ALMS1: variants seen among roughly 807,000 people sequenced by gnomAD.
The protein encoded by ALMS1 is centrosome-associated protein ALMS1.
A neutral mutation model predicts 352.2 loss-of-function variants in ALMS1; 271 were observed. The ratio of observed to expected loss-of-function variants is 0.77; its 90% confidence interval spans 0.70 to 0.85. The LOEUF (loss-of-function observed/expected upper bound fraction) is 0.85, where lower values mean the gene tolerates loss of function less well. Ranked by LOEUF, ALMS1 falls within the 40% of genes least tolerant of loss-of-function variation. The probability of loss-of-function intolerance (pLI) is 0.00; values close to 1 mark genes in which losing one functional copy is unlikely to be tolerated. For missense variants in ALMS1, 5,445 were observed against 4,870.7 expected (o/e 1.12, Z -3.51); for synonymous variants, 1,865 against 1,761.2 (o/e 1.06, Z -1.48).
intron 5 of ALMS1, among the ~76,000 whole-genome samples, chr2:73,425,285 ATC>A (rs1671358154): frequency 6.6e-6 from 1 of 152,238 alleles, no homozygotes; most frequent in African/African-American, 2.4e-5. Context: ...AGAAAGAATC[ATC>A]TCAATGTTTT....
At chr2:73,589,686 C>T (rs1675384515) in intron 16 of ALMS1, among the ~76,000 whole-genome samples, 1 of 152,182 alleles carries the variant, frequency 6.6e-6, no homozygotes, top group Non-Finnish European at 1.5e-5. Flanking sequence ...ATCTACATTG[C>T]TGTAAGTATA....
At chr2:73,510,787 G>GT (rs1673434924) in intron 10 of ALMS1, among the ~76,000 whole-genome samples, 1 of 152,320 alleles carries the variant, frequency 6.6e-6, no homozygotes, top group South Asian at 2.1e-4. Flanking sequence ...AGGCAGGAAC[G>GT]TTTAAGTCTG....
intron 16 of ALMS1, among the ~76,000 whole-genome samples, chr2:73,592,635 ATCC>A (rs1210735690): frequency 6.6e-6 from 1 of 152,202 alleles, no homozygotes; most frequent in African/African-American, 2.4e-5. Flanking sequence ...AGCAGTACCA[ATCC>A]TCCTGCCTGA....
intron 13 of ALMS1, among the ~76,000 whole-genome samples, chr2:73,552,480 T>C (rs547837521): frequency 6.6e-6 from 1 of 151,842 alleles, no homozygotes; most frequent in Non-Finnish European, 1.5e-5. Flanking sequence ...GTGGAAAAAT[T>C]GGCAGGAAAG....
chr2:73,502,571 G>C (rs1673239664), intron 10 of ALMS1, among the ~76,000 whole-genome samples: 1 of 152,046 alleles, frequency 6.6e-6, no homozygotes, highest in South Asian at 2.1e-4. Flanking sequence ...CCTTTTATCA[G>C]CTTGAGGATG....
At chr2:73,399,908 C>T (rs1464859911) in intron 1 of ALMS1, among the ~76,000 whole-genome samples, 3 of 147,078 alleles carry the variant, frequency 2.0e-5, no homozygotes, top group African/African-American at 7.6e-5. Context: ...TCTTCTAAAG[C>T]TTGTCAACAT....
chr2:73,418,349 G>T (rs572432486), intron 2 of ALMS1, among the ~76,000 whole-genome samples: 3 of 152,178 alleles, frequency 2.0e-5, no homozygotes, highest in Admixed American at 1.3e-4. Context: ...GCCAGGGATC[G>T]TTTAGAAACT....
intron 11 of ALMS1, among the ~76,000 whole-genome samples, chr2:73,532,497 C>T (rs1290192302): frequency 1.3e-5 from 2 of 152,188 alleles, no homozygotes; most frequent in Non-Finnish European, 2.9e-5. Flanking sequence ...GAGTCACTCC[C>T]CATGGCCACC....
chr2:73,432,280 A>G lies in ALMS1; in HGVS notation c.1421A>G (p.His474Arg). Residue 474 changes from histidine (H) to arginine (R), a missense_variant, in exon 7 of 23, where the codon CAT (histidine) becomes CGT (arginine). By Grantham distance (29) the His-to-Arg change is conservative. Transcript: ENST00000613296. The part of the protein sequence containing the change: ...SPDTVPKAPK[H>R]LKAGDTSKGG... Reference sequence around the variant, plus strand: ...GACACTGTGCCAAAGGCTCCTAAACATTTAAAAGCAGGTACGTAGAAAAAG... The same window carrying G: ...GACACTGTGCCAAAGGCTCCTAAACGTTTAAAAGCAGGTACGTAGAAAAAG... 6.2e-7 allele frequency: 1 copy of G among 1,610,236 alleles called. No homozygotes were observed. Among genetic ancestry groups the G allele is most frequent in the African/African-American group, 1.3e-5 (1 of 74,966 alleles).
chr2:73,600,554 C>G (rs1189920926), intron 17 of ALMS1, 124 bp from the exon 18 acceptor site: 1 of 870,772 alleles, frequency 1.1e-6, no homozygotes, highest in Non-Finnish European at 1.7e-6. Flanking sequence ...CTTCGCATCC[C>G]TCCATCCCAC....
rs748646844 is a variant in ALMS1 at position 73,449,644 on chromosome 2, G to A, written c.3117G>A (p.Lys1039=). The A allele has an allele frequency of 6.2e-7, 1 of 1,614,080 alleles. No homozygotes were observed. Among genetic ancestry groups the A allele is most frequent in the South Asian group, 1.1e-5 (1 of 91,078 alleles). The change falls in exon 8 of 23, where the codon AAG becomes AAA. Residue 1039 remains lysine (K), a synonymous_variant. Transcript: ENST00000613296. The stretch of plus-strand genomic sequence containing the variant: ...CTGGCCCTGGACCAGCTGACCAGAA[G>A]ACTGAGATACCAGCAGTACAGTCTA... The part of the protein sequence containing the change: ...VSTGPGPADQ[K]TEIPAVQSSS...
At position 73,464,309 on chromosome 2, in the gene ALMS1, G is replaced by A. The variant is rs550506281; in HGVS notation, c.7674+9014G>A. Reference sequence around the variant, plus strand: ...GTTCAACATATGCAAATCAATAAACGTAATCCAGCATATACACAGAACCAA... The same window carrying A: ...GTTCAACATATGCAAATCAATAAACATAATCCAGCATATACACAGAACCAA... On this transcript the variant is annotated intron_variant, in intron 9 of 22. Transcript: ENST00000613296. Among the ~76,000 whole-genome samples the A allele has an allele frequency of 2.8e-4, 43 of 152,238 alleles. No homozygotes were observed. The South Asian group carries it at 7.1e-3, about 25-fold the overall frequency.
rs10181874 is a variant in ALMS1 at position 73,535,995 on chromosome 2, A to G, written c.9907+1046A>G. ...TAACTGCACTAAAGCCTCTGATACA[A>G]CCTCGCCTGATTTCCCACAATGATG... is the stretch of plus-strand genomic sequence containing the variant. On this transcript the variant is annotated intron_variant, in intron 12 of 22. Coordinates refer to ENST00000613296, the MANE Select transcript of ALMS1 (RefSeq NM_001378454.1). 8.9e-4 allele frequency among the ~76,000 whole-genome samples: 135 copies of G among 152,208 alleles called. 1 individual carries two copies. Among genetic ancestry groups the G allele is most frequent in the African/African-American group, 3.1e-3 (127 of 41,518 alleles).
intron 2 of ALMS1, among the ~76,000 whole-genome samples, chr2:73,410,397 CA>C (rs1450945031): frequency 1.3e-5 from 2 of 151,734 alleles, no homozygotes; most frequent in Admixed American, 6.6e-5. Flanking sequence ...CAAAAAAAAG[CA>C]AAAAAACCCA....
intron 9 of ALMS1, among the ~76,000 whole-genome samples, chr2:73,474,305 ATCACATG>A (rs1162619725): frequency 6.6e-6 from 1 of 151,700 alleles, no homozygotes; most frequent in Non-Finnish European, 1.5e-5. Context: ...TAAGTTTTGT[ATCACATG>A]GTAATACGTT....
At chr2:73,461,287 C>T (rs936352852) in intron 9 of ALMS1, among the ~76,000 whole-genome samples, 2 of 152,200 alleles carry the variant, frequency 1.3e-5, no homozygotes, top group African/African-American at 2.4e-5. Flanking sequence ...CACCAATATC[C>T]GCTGTTCTAC....
At chr2:73,390,253 GA>G (rs961562052) in intron 1 of ALMS1, among the ~76,000 whole-genome samples, 4 of 151,956 alleles carry the variant, frequency 2.6e-5, no homozygotes, top group African/African-American at 9.7e-5. Flanking sequence ...AGTGTTTAAG[GA>G]AAAAATGCTT....
intron 13 of ALMS1, among the ~76,000 whole-genome samples, chr2:73,551,717 T>C (rs1208733268): frequency 6.6e-6 from 1 of 152,146 alleles, no homozygotes; most frequent in Non-Finnish European, 1.5e-5. Flanking sequence ...ATTACAGGCA[T>C]GAGCCACCGT....
rs1020256998 is a variant in ALMS1, at chr2:73,472,380, ATTTC to A, written c.7674+17089_7674+17092del. On this transcript the variant is annotated intron_variant, in intron 9 of 22. Transcript: ENST00000613296. ...TAAAAATATTTCTTTAGAGTAGAAT[ATTTC>A]TTTATAGTAGAATAATACCTCAAAT... Among the ~76,000 whole-genome samples the A allele has an allele frequency of 1.4e-3, 209 of 152,224 alleles. 1 individual carries two copies. Among genetic ancestry groups the A allele is most frequent in the African/African-American group, 4.6e-3 (193 of 41,544 alleles).
Sources: allele counts gnomAD v4.1 joint callset (sites outside exome capture counted in the v4.1 genomes callset), GRCh38; gene constraint gnomAD v4.1.1; transcripts MANE v1.5; gene names NCBI Gene and HGNC (gene_info 2026-07-23, HGNC 2026-07-21).